ITGA11: variants seen among roughly 807,000 people sequenced by gnomAD.
ITGA11 encodes the protein integrin subunit alpha 11.
A neutral mutation model predicts 141.9 loss-of-function variants in ITGA11; 97 were observed. The observed-to-expected ratio is 0.68, with a 90% CI of 0.58 to 0.81. The LOEUF (loss-of-function observed/expected upper bound fraction) is 0.81. Among genes scored for constraint, ITGA11 ranks in the 30% least tolerant of loss-of-function variants. The pLI is 0.00. For missense variants in ITGA11, 1,387 were observed against 1,559.2 expected, an observed-to-expected ratio of 0.89 and a Z score of 1.86; for synonymous variants, 658 against 624.6, an observed-to-expected ratio of 1.05 and a Z score of -0.80.
intron 6 of ITGA11, 36 bp from the exon 7 acceptor site, chr15:68,357,335 A>G (rs2140341674): frequency 6.3e-7 from 1 of 1,594,312 alleles, no homozygotes; most frequent in Non-Finnish European, 8.5e-7. Flanking sequence ...GAACATTTTG[A>G]CCCCATGAAC....
intron 7 of ITGA11, among the ~76,000 whole-genome samples, chr15:68,356,403 C>T (rs1005368723): frequency 9.9e-5 from 15 of 151,662 alleles, no homozygotes; most frequent in Non-Finnish European, 1.9e-4. Flanking sequence ...CACTCCTGGC[C>T]GAGTTCTGGT....
rs1198843779 is a variant in ITGA11, at chr15:68,397,748, ATATTATATTTAAAATAT to A, written c.164+5153_164+5169del. On this transcript the variant is annotated intron_variant, in intron 2 of 29. Transcript: ENST00000315757. ...TTATATTTAAAATATTATATTTAAA[ATATTATATTTAAAATAT>A]TATATTTAAAATATATTTAAAATAA... 2.1e-3 allele frequency among the ~76,000 whole-genome samples: 133 copies of A among 62,510 alleles called. 1 individual carries two copies. The highest frequency in any genetic ancestry group is 9.9e-3 in the South Asian group (16 of 1,614). 41.0% of individuals were successfully genotyped at this position (62,510 alleles called of 152,430 possible).
In ITGA11 at chr15:68,322,108, C is replaced by G. The variant is rs1194933431; in HGVS notation, c.2323-605G>C. Among the ~76,000 whole-genome samples the G allele has an allele frequency of 6.6e-6, 1 of 152,054 alleles. No homozygotes were observed. The highest frequency in any genetic ancestry group is 6.5e-5 in the Admixed American group (1 of 15,272). Reference sequence around the variant, plus strand: ...GGAAGGACGGCCTGATGCAGGGGCCCTGGGGCAGGAGCGGGACGGTGAGTC... The same window carrying G: ...GGAAGGACGGCCTGATGCAGGGGCCGTGGGGCAGGAGCGGGACGGTGAGTC... On this transcript the variant is annotated intron_variant, in intron 18 of 29. Coordinates refer to ENST00000315757, the MANE Select transcript of ITGA11 (RefSeq NM_001004439.2). This position sits in a 1 kb window ranked among gnomAD's most constrained non-coding sequence, Gnocchi z 5.6.
intron 1 of ITGA11, among the ~76,000 whole-genome samples, chr15:68,431,607 T>A (rs1897272187): frequency 6.6e-6 from 1 of 152,092 alleles, no homozygotes; most frequent in South Asian, 2.1e-4. Flanking sequence ...CAGGGCACAC[T>A]CTCTTGGCGC....
At chr15:68,427,250 G>C (rs934528838) in intron 1 of ITGA11, among the ~76,000 whole-genome samples, 6 of 152,188 alleles carry the variant, frequency 3.9e-5, no homozygotes, top group African/African-American at 1.4e-4. Flanking sequence ...GATGGGAAGA[G>C]TAATAATGCT....
chr15:68,313,463 C>T (rs1893462265), intron 23 of ITGA11, among the ~76,000 whole-genome samples: 1 of 152,210 alleles, frequency 6.6e-6, no homozygotes, highest in Non-Finnish European at 1.5e-5. Context: ...AAATTCTCTA[C>T]AGACCATGCA....
rs572566720 is a variant in ITGA11, at chr15:68,356,854, G to A, written c.749+297C>T. ...CAAGGAAATCAAGCCACATGGCTACGTGTGGGTGCTCAGGTCACCAGTCCC... is the reference window on the plus strand; with the variant it reads ...CAAGGAAATCAAGCCACATGGCTACATGTGGGTGCTCAGGTCACCAGTCCC... On this transcript the variant is annotated intron_variant, in intron 7 of 29. Transcript: ENST00000315757. Among the ~76,000 whole-genome samples, 8 of 152,274 alleles carry A rather than the reference G, an allele frequency of 5.3e-5. No homozygotes were observed. In the East Asian group the frequency reaches 9.7e-4, roughly 18 times the overall value.
chr15:68,419,418 G>A (rs545299521), intron 1 of ITGA11, among the ~76,000 whole-genome samples: 9 of 152,312 alleles, frequency 5.9e-5, no homozygotes, highest in African/African-American at 2.2e-4. Context: ...ATTTGTTTGG[G>A]ATGTTCAGGC....
chr15:68,348,924 G>A, intron 9 of ITGA11, 24 bp from the exon 10 acceptor site: 3 of 1,587,800 alleles, frequency 1.9e-6, no homozygotes, highest in Non-Finnish European at 2.6e-6. Context: ...ACAGAGAGAT[G>A]TCAGCTCCAT....
intron 4 of ITGA11, 171 bp from the exon 5 acceptor site, chr15:68,361,875 G>A: frequency 5.2e-6 from 3 of 581,770 alleles, no homozygotes; most frequent in Non-Finnish European, 9.2e-6. Context: ...TTGCTGCAAT[G>A]TGTACTAGTT....
At position 68,335,817 on chromosome 15, in the gene ITGA11, G is replaced by A. The variant is rs1405841259; in HGVS notation, c.1305C>T (p.Ser435=). ...CGGCCACGTACACCCGCCCCTGCCT[G>A]GAGGACACGACCGATGTGACTGTGT... ...LGYTVTSVVS[S]RQGRVYVAGA... The change falls in exon 12 of 30, where the codon TCC becomes TCT. Residue 435 remains serine (S), a synonymous_variant. Coordinates refer to ENST00000315757, the MANE Select transcript of ITGA11 (RefSeq NM_001004439.2). This position sits in a 1 kb window ranked among gnomAD's most constrained non-coding sequence, Gnocchi z 4.9. 1 of 1,613,340 alleles carries A rather than the reference G, an allele frequency of 6.2e-7. No homozygotes were observed. Among genetic ancestry groups the A allele is most frequent in the Non-Finnish European group, 8.5e-7 (1 of 1,179,634 alleles).
chr15:68,362,973 T>C (rs1021694936), intron 4 of ITGA11, among the ~76,000 whole-genome samples: 4 of 151,090 alleles, frequency 2.6e-5, no homozygotes, highest in Non-Finnish European at 5.9e-5. Flanking sequence ...GATGAATAAG[T>C]GGATGAATGA....
intron 1 of ITGA11, among the ~76,000 whole-genome samples, chr15:68,424,347 C>A (rs1459971143): frequency 6.6e-6 from 1 of 152,136 alleles, no homozygotes; most frequent in East Asian, 1.9e-4. Flanking sequence ...TGTTGTGTGA[C>A]CCTAGGCAAG....
rs1422593311 is a variant in ITGA11, at chr15:68,307,431, A to C, written c.3298T>G (p.Ser1100Ala). ...LRSLKALKYK[S>A]MKIMVNAALQ... ...GCTGCGTTGACCATGATTTTCATGG[A>C]TTTGTACTTGAGCTGTGCAATCAGA... The change falls in exon 28 of 30, where the codon TCC becomes GCC. Residue 1100 changes from serine (S) to alanine (A), a missense_variant. By Grantham distance (99) the Ser-to-Ala change is moderately conservative. Coordinates refer to ENST00000315757, the MANE Select transcript of ITGA11 (RefSeq NM_001004439.2). The surrounding 1 kb of genome is among the most constrained non-coding windows in gnomAD (Gnocchi z 6.1). 7 of 1,556,372 alleles carry C rather than the reference A, an allele frequency of 4.5e-6. No individual in the cohort carries two copies. The African/African-American group carries it at 9.6e-5, about 21-fold the overall frequency.
chr15:68,314,349 C>T (rs1463642362), intron 22 of ITGA11, among the ~76,000 whole-genome samples: 1 of 152,210 alleles, frequency 6.6e-6, no homozygotes, highest in African/African-American at 2.4e-5. Context: ...GCCAGGGGCA[C>T]TCTGCTGCCA....
At chr15:68,316,669 C>T (rs758892268) in intron 21 of ITGA11, among the ~76,000 whole-genome samples, 5 of 152,218 alleles carry the variant, frequency 3.3e-5, no homozygotes, top group African/African-American at 9.6e-5. Flanking sequence ...GCACTGCTGC[C>T]GCCTACTGGC....
In ITGA11 at chr15:68,403,039, G is replaced by C. The variant is rs750556649; in HGVS notation, c.53-10C>G. 6.9e-6 allele frequency: 11 copies of C among 1,587,550 alleles called. No individual in the cohort carries two copies. Among genetic ancestry groups the C allele is most frequent in the Middle Eastern group, 1.7e-4 (1 of 6,012 alleles). On this transcript the variant is annotated splice_polypyrimidine_tract_variant and intron_variant, in intron 1 of 29. Coordinates refer to ENST00000315757, the MANE Select transcript of ITGA11 (RefSeq NM_001004439.2). ...AAGGTGTCCGTGAACCCTGAGGCAG[G>C]GGGAGAGGAGAGGAGAAGCAGGGGA...
In ITGA11 at chr15:68,325,083, TG is replaced by T; in HGVS notation, c.2322+47del. The T allele has an allele frequency of 1.7e-6, 2 of 1,171,506 alleles. No individual in the cohort carries two copies. The highest frequency in any genetic ancestry group is 1.2e-5 in the South Asian group (1 of 81,298). 72.6% of individuals were successfully genotyped at this position (1,171,506 alleles called of 1,614,324 possible). A position where few individuals can be genotyped will look rare whatever the true frequency, so the allele number is the denominator to read the frequency against. On this transcript the variant is annotated intron_variant, in intron 18 of 29. Transcript: ENST00000315757. The surrounding 1 kb of genome is among the most constrained non-coding windows in gnomAD (Gnocchi z 5.5). Reference sequence around the variant, plus strand: ...CTGGGCTTTGGGGTTGAGGTGGAGGTGGGGGTGGGGTTCATGCCCGAGGTGC... The same window carrying T: ...CTGGGCTTTGGGGTTGAGGTGGAGGTGGGGTGGGGTTCATGCCCGAGGTGC...
rs1384028382 is a variant in ITGA11 at position 68,296,672 on chromosome 15, G to C, written c.*6387C>G. On this transcript the variant is annotated 3_prime_UTR_variant, in exon 30 of 30. Coordinates refer to ENST00000315757, the MANE Select transcript of ITGA11 (RefSeq NM_001004439.2). ...TTAGAAGTTTGAGGACATTTTCTCT[G>C]TCATGTAATAGTTGTAGCTTATTTA... is the stretch of plus-strand genomic sequence containing the variant. 5 of 151,952 alleles carry C rather than the reference G, an allele frequency of 3.3e-5. No individual in the cohort carries two copies. The highest frequency in any genetic ancestry group is 1.2e-4 in the African/African-American group (5 of 41,372). 9.4% of individuals were successfully genotyped at this position (151,952 alleles called of 1,614,324 possible).
Sources: gnomAD v4.1 joint callset for allele counts (sites outside exome capture counted in the v4.1 genomes callset) on GRCh38, gnomAD v4.1.1 for gene constraint, Gnocchi (gnomAD v3.1) non-coding constraint, MANE v1.5 for transcripts, NCBI Gene and HGNC (gene_info 2026-07-23, HGNC 2026-07-21) for gene names.